The following ZSCAN16 variants were observed in gnomAD, a reference collection of about 807,000 sequenced individuals.
ZSCAN16 encodes zinc finger and SCAN domain containing 16.
Under a neutral mutation model 19.4 loss-of-function variants are expected in ZSCAN16, and 15 were observed. The ratio of observed to expected loss-of-function variants is 0.77; its 90% confidence interval spans 0.52 to 1.19. ZSCAN16 has a LOEUF of 1.19. ZSCAN16 is among the 50% of genes most tolerant of loss of function. ZSCAN16 has a pLI of 0.00. For synonymous variants in ZSCAN16, 138 were observed against 146.5 expected (o/e 0.94, Z 0.42); for missense variants, 327 against 415.7 (o/e 0.79, Z 1.86).
intron 2 of ZSCAN16, among the ~76,000 whole-genome samples, chr6:28,126,225 T>C (rs1268793155): frequency 6.6e-6 from 1 of 152,094 alleles, no homozygotes; most frequent in African/African-American, 2.4e-5. Context: ...AACAGAAATA[T>C]AATGCAAGCT....
In ZSCAN16 at chr6:28,129,814, G is replaced by C. The variant is rs766950970; in HGVS notation, c.911G>C (p.Arg304Pro). ...GAATGTGGGAAAGACTTCAGTGGGC[G>C]CACAGGTCTTATTCAGCATCAGAGA... ...CKECGKDFSG[R>P]TGLIQHQRIH... The change falls in exon 4 of 4, where the codon CGC (arginine) becomes CCC (proline). Residue 304 changes from arginine to proline, a missense_variant. Transcript: ENST00000340487. The C allele has an allele frequency of 7.4e-6, 12 of 1,614,004 alleles. No individual in the cohort carries two copies. In the African/African-American group the frequency reaches 8.0e-5, roughly 11 times the overall value.
In ZSCAN16 at chr6:28,125,215, T is replaced by TTTTG. The variant is rs1764861197; in HGVS notation, c.-31-195_-31-194insGTTT. On this transcript the variant is annotated intron_variant, in intron 1 of 3. Transcript: ENST00000340487. The surrounding 1 kb of genome is among the most constrained non-coding windows in gnomAD (Gnocchi z 6.2). The stretch of plus-strand genomic sequence containing the variant: ...TCAAATCATATCCCTGCGTCACTGT[T>TTTTG]TTTTGTTTTGTTTTGTTTTGTTTTG... 6.6e-6 allele frequency among the ~76,000 whole-genome samples: 1 copy of TTTTG among 151,290 alleles called. No homozygotes were observed. Among genetic ancestry groups the TTTTG allele is most frequent in the African/African-American group, 2.4e-5 (1 of 40,868 alleles).
At position 28,129,808 on chromosome 6, in the gene ZSCAN16, G is replaced by T. The variant is rs773975435; in HGVS notation, c.905G>T (p.Ser302Ile). Residue 302 changes from serine (S) to isoleucine (I), a missense_variant, in exon 4 of 4, where the codon AGT becomes ATT. Physicochemically the swap from Ser to Ile is moderately radical, Grantham distance 142. Transcript: ENST00000340487. ...TGTAAAGAATGTGGGAAAGACTTCA[G>T]TGGGCGCACAGGTCTTATTCAGCAT... is the stretch of plus-strand genomic sequence containing the variant. ...YKCKECGKDF[S>I]GRTGLIQHQR... The T allele has an allele frequency of 1.2e-5, 20 of 1,614,080 alleles. No individual in the cohort carries two copies. The highest frequency in any genetic ancestry group is 5.0e-5 in the Admixed American group (3 of 59,994).
Position 28,126,857 on chromosome 6 carries a change from G to C in ZSCAN16, c.462G>C (p.Leu154=), listed in dbSNP as rs202080145. ...CCTTGGGAAGGCCATATGAATCACT[G>C]ACTGTCCAGCTCCATCCCAAAAAGA... is the stretch of plus-strand genomic sequence containing the variant. The part of the protein sequence containing the change: ...LAPLGRPYES[L]TVQLHPKKTQ... The change falls in exon 3 of 4, where the codon CTG becomes CTC. Residue 154 remains leucine, a synonymous_variant. Transcript: ENST00000340487. 6.3e-7 allele frequency: 1 copy of C among 1,592,218 alleles called. No homozygotes were observed.
At chr6:28,129,223 T>C (rs1266763122) in intron 3 of ZSCAN16, 4 of 267,700 alleles carry the variant, frequency 1.5e-5, no homozygotes, top group African/African-American at 9.2e-5. Context: ...GATATCTTCC[T>C]TAATTCTTAA....
In ZSCAN16 at chr6:28,128,374, T is replaced by C. The variant is rs562320331; in HGVS notation, c.527-1056T>C. ...TACTAAATGTAAGGAATCCAAAGGT[T>C]AGACACTTACATTACTTCTCTTCAA... On this transcript the variant is annotated intron_variant, in intron 3 of 3. Coordinates refer to ENST00000340487, the MANE Select transcript of ZSCAN16 (RefSeq NM_025231.3). Among the ~76,000 whole-genome samples, 30 of 152,318 alleles carry C rather than the reference T, an allele frequency of 2.0e-4. 1 individual carries two copies. Among genetic ancestry groups the C allele is most frequent in the Admixed American group, 1.5e-3 (23 of 15,302 alleles).
In ZSCAN16 at chr6:28,129,864, G is replaced by A. The variant is rs1765012183; in HGVS notation, c.961G>A (p.Glu321Lys). The change falls in exon 4 of 4, where the codon GAA becomes AAA. Residue 321 changes from glutamate (E) to lysine (K), a missense_variant. Glu to Lys is a moderately conservative substitution (Grantham distance 56, BLOSUM62 1). Transcript: ENST00000340487. ...QRIHTGEKPY[E>K]CDECGRPFRV... ...AATCCACACAGGTGAAAAACCCTAT[G>A]AATGTGATGAGTGTGGAAGGCCTTT... 6.2e-7 allele frequency: 1 copy of A among 1,614,144 alleles called. No homozygotes were observed. Among genetic ancestry groups the A allele is most frequent in the Admixed American group, 1.7e-5 (1 of 60,024 alleles).
chr6:28,127,187 G>C (rs1764929976), intron 3 of ZSCAN16, among the ~76,000 whole-genome samples: 1 of 152,152 alleles, frequency 6.6e-6, no homozygotes, highest in African/African-American at 2.4e-5. Flanking sequence ...AATGATTCTT[G>C]TTCCAAATCC....
Position 28,129,569 on chromosome 6 carries a change from T to G in ZSCAN16, c.666T>G (p.Asn222Lys). Residue 222 changes from asparagine to lysine, a missense_variant, in exon 4 of 4, where the codon AAT (asparagine) becomes AAG (lysine). Coordinates refer to ENST00000340487, the MANE Select transcript of ZSCAN16 (RefSeq NM_025231.3). ...CTAAGTCCAAAGATATTATTGAAAA[T>G]GAGGGCAGATCAGAATGGCAACAGA... The part of the protein sequence containing the change: ...QHPKSKDIIE[N>K]EGRSEWQQRE... 6.2e-7 allele frequency: 1 copy of G among 1,614,014 alleles called. No individual in the cohort carries two copies. The highest frequency in any genetic ancestry group is 8.5e-7 in the Non-Finnish European group (1 of 1,180,004).
chr6:28,128,695 G>A (rs941319152), intron 3 of ZSCAN16, among the ~76,000 whole-genome samples: 2 of 152,126 alleles, frequency 1.3e-5, no homozygotes, highest in African/African-American at 2.4e-5. Context: ...TTTAATAAAC[G>A]ATCCAGCTGA....
In ZSCAN16 at chr6:28,125,673, A is replaced by G; in HGVS notation, c.230A>G (p.Lys77Arg). 6.2e-7 allele frequency: 1 copy of G among 1,614,268 alleles called. No homozygotes were observed. The highest frequency in any genetic ancestry group is 8.5e-7 in the Non-Finnish European group (1 of 1,180,052). Residue 77 changes from lysine (K) to arginine (R), a missense_variant, in exon 2 of 4, where the codon AAG becomes AGG. Coordinates refer to ENST00000340487, the MANE Select transcript of ZSCAN16 (RefSeq NM_025231.3). This position sits in a 1 kb window ranked among gnomAD's most constrained non-coding sequence, Gnocchi z 6.2. Reference sequence around the variant, plus strand: ...TGGCTGAGGCCAGAATGCCACACCAAGGAGCAGATTTTAGACCTGCTGGTG... The same window carrying G: ...TGGCTGAGGCCAGAATGCCACACCAGGGAGCAGATTTTAGACCTGCTGGTG... ...RQWLRPECHT[K>R]EQILDLLVLE...
intron 2 of ZSCAN16, among the ~76,000 whole-genome samples, chr6:28,126,277 A>C (rs980336397): frequency 3.3e-5 from 5 of 151,108 alleles, no homozygotes; most frequent in African/African-American, 4.9e-5. Flanking sequence ...TTAAAAAAAA[A>C]GGTGAAATAT....
chr6:28,128,132 TTTTTTA>T (rs1764956249), intron 3 of ZSCAN16, among the ~76,000 whole-genome samples: 1 of 152,132 alleles, frequency 6.6e-6, no homozygotes, highest in African/African-American at 2.4e-5. Context: ...CTATCTGTTC[TTTTTTA>T]TTTTTATTTT....
At chr6:28,127,445 T>G (rs1293541229) in intron 3 of ZSCAN16, among the ~76,000 whole-genome samples, 1 of 152,188 alleles carries the variant, frequency 6.6e-6, no homozygotes, top group Non-Finnish European at 1.5e-5. Flanking sequence ...ACTCCTGGTG[T>G]CTCTTCCTCT....
rs770289548 is a variant in ZSCAN16, at chr6:28,126,828, G to C, written c.433G>C (p.Ala145Pro). The change falls in exon 3 of 4, where the codon GCC becomes CCC. Residue 145 changes from alanine to proline, a missense_variant. By Grantham distance (27) the Ala-to-Pro change is conservative (BLOSUM62 -1). Transcript: ENST00000340487. ...ERRDILMDKL[A>P]PLGRPYESLT... ...ACGGGACATACTCATGGACAAGTTG[G>C]CCCCCTTGGGAAGGCCATATGAATC... 14 of 1,584,806 alleles carry C rather than the reference G, an allele frequency of 8.8e-6. No homozygotes were observed. The highest frequency in any genetic ancestry group is 1.2e-5 in the Non-Finnish European group (14 of 1,160,738).
Position 28,125,885 on chromosome 6 carries a change from A to G in ZSCAN16, c.387+55A>G. 1 of 1,332,662 alleles carries G rather than the reference A, an allele frequency of 7.5e-7. No homozygotes were observed. Among genetic ancestry groups the G allele is most frequent in the South Asian group, 1.4e-5 (1 of 72,470 alleles). 82.6% of individuals were successfully genotyped at this position (1,332,662 alleles called of 1,614,324 possible). On this transcript the variant is annotated intron_variant, in intron 2 of 3. Coordinates refer to ENST00000340487, the MANE Select transcript of ZSCAN16 (RefSeq NM_025231.3). This position sits in a 1 kb window ranked among gnomAD's most constrained non-coding sequence, Gnocchi z 6.2. ...TGATCAGGGGATATGGATGGAGCCAAAGCAAAAGGCATATGAAAGAACATC... is the reference window on the plus strand; with the variant it reads ...TGATCAGGGGATATGGATGGAGCCAGAGCAAAAGGCATATGAAAGAACATC...
Position 28,125,798 on chromosome 6 carries a change from C to G in ZSCAN16, c.355C>G (p.Leu119Val). 6.2e-7 allele frequency: 1 copy of G among 1,611,600 alleles called. No individual in the cohort carries two copies. The highest frequency in any genetic ancestry group is 1.1e-5 in the South Asian group (1 of 90,838). ...GEEAVTVLED[L>V]ERELDEPGKQ... ...GGAGGCAGTGACGGTACTGGAGGAT[C>G]TGGAGAGAGAGCTTGATGAACCTGG... is the stretch of plus-strand genomic sequence containing the variant. The change falls in exon 2 of 4, where the codon CTG becomes GTG. Residue 119 changes from leucine to valine, a missense_variant. By Grantham distance (32) the Leu-to-Val change is conservative. Coordinates refer to ENST00000340487, the MANE Select transcript of ZSCAN16 (RefSeq NM_025231.3). The surrounding 1 kb of genome is among the most constrained non-coding windows in gnomAD (Gnocchi z 6.2).
Position 28,129,877 on chromosome 6 carries a change from G to A in ZSCAN16, c.974G>A (p.Cys325Tyr). 5 of 1,613,152 alleles carry A rather than the reference G, an allele frequency of 3.1e-6. No individual in the cohort carries two copies. The highest frequency in any genetic ancestry group is 3.4e-6 in the Non-Finnish European group (4 of 1,179,758). ...GAAAAACCCTATGAATGTGATGAGT[G>A]TGGAAGGCCTTTCCGAGTAAGTTCA... ...TGEKPYECDECGRPFRVSSAL... is the reference protein window; with the variant it reads ...TGEKPYECDEYGRPFRVSSAL... The change falls in exon 4 of 4, where the codon TGT becomes TAT. Residue 325 changes from cysteine to tyrosine, a missense_variant. Coordinates refer to ENST00000340487, the MANE Select transcript of ZSCAN16 (RefSeq NM_025231.3).
chr6:28,125,505 A>T lies in ZSCAN16; in HGVS notation c.62A>T (p.His21Leu). Residue 21 changes from histidine (H) to leucine (L), a missense_variant, in exon 2 of 4, where the codon CAT (histidine) becomes CTT (leucine). Transcript: ENST00000340487. This position sits in a 1 kb window ranked among gnomAD's most constrained non-coding sequence, Gnocchi z 6.2. ...CTTCTGATAATTAAGGCAGAGGACC[A>T]TTACTGGGGACAGGATTCCAGCTCA... ...KGLLIIKAEDHYWGQDSSSQK... is the reference protein window; with the variant it reads ...KGLLIIKAEDLYWGQDSSSQK... 1 of 1,614,230 alleles carries T rather than the reference A, an allele frequency of 6.2e-7. No individual in the cohort carries two copies. The highest frequency in any genetic ancestry group is 8.5e-7 in the Non-Finnish European group (1 of 1,180,032).
Sources: allele counts gnomAD v4.1 joint callset (sites outside exome capture counted in the v4.1 genomes callset), GRCh38; gene constraint gnomAD v4.1.1; non-coding constraint Gnocchi (gnomAD v3.1); transcripts MANE v1.5; gene names NCBI Gene and HGNC (gene_info 2026-07-23, HGNC 2026-07-21).